Variants in AMN1 observed in about 807,000 individuals in gnomAD.
AMN1 encodes protein AMN1 homolog.
A neutral mutation model predicts 33.0 loss-of-function variants in AMN1; 20 were observed. That is an observed-to-expected ratio of 0.61 (90% CI 0.43 to 0.88). AMN1 has a LOEUF of 0.88. AMN1 is among the 40% of genes least tolerant of loss of function. The pLI, the probability that AMN1 is intolerant of heterozygous loss-of-function variation, is 0.00. For synonymous variants in AMN1, 114 were observed against 111.9 expected (o/e 1.02, Z -0.12); for missense variants, 246 against 307.4 (o/e 0.80, Z 1.49).
intron 6 of AMN1, among the ~76,000 whole-genome samples, chr12:31,678,588 G>A (rs763341532): frequency 7.2e-5 from 11 of 151,904 alleles, no homozygotes; most frequent in Non-Finnish European, 1.5e-4. Context: ...GTAGAGATGG[G>A]GTTTCACCAT....
In AMN1 at chr12:31,676,630, C is replaced by T. The variant is rs140784286; in HGVS notation, c.704-4253G>A. Among the ~76,000 whole-genome samples, 266 of 151,444 alleles carry T rather than the reference C, an allele frequency of 1.8e-3. 7 individuals are homozygous for T. Among genetic ancestry groups the T allele is most frequent in the African/African-American group, 6.4e-3 (261 of 41,080 alleles). ...AGCCACCGCGCCTGGCCAACACTTC[C>T]CAATTTCATTTTAGCTGGTGTGTCT... On this transcript the variant is annotated intron_variant, in intron 6 of 6. Coordinates refer to ENST00000281471, the MANE Select transcript of AMN1 (RefSeq NM_001113402.2).
rs145304625 is a variant in AMN1 at position 31,725,308 on chromosome 12, G to C, written c.38+3663C>G. ...TTGACATAAGTGGTGTTGATTCTCA[G>C]GCCCCACAGTTGGCACAGGCAGTCT... On this transcript the variant is annotated intron_variant, in intron 1 of 6. Transcript: ENST00000281471. Among the ~76,000 whole-genome samples the C allele has an allele frequency of 6.7e-3, 1,019 of 152,300 alleles. 13 individuals are homozygous for C. Among genetic ancestry groups the C allele is most frequent in the African/African-American group, 0.023 (955 of 41,562 alleles).
intron 6 of AMN1, among the ~76,000 whole-genome samples, chr12:31,685,492 A>AT (rs916819553): frequency 1.3e-5 from 2 of 151,830 alleles, no homozygotes; most frequent in East Asian, 1.9e-4. Flanking sequence ...TGACTTTCAC[A>AT]TTTTTTCCAC....
At chr12:31,695,782 C>T (rs1417571195) in intron 5 of AMN1, among the ~76,000 whole-genome samples, 1 of 151,716 alleles carries the variant, frequency 6.6e-6, no homozygotes, top group Non-Finnish European at 1.5e-5. Flanking sequence ...CCACCATGCC[C>T]AACCTAATAT....
At chr12:31,699,375 A>C (rs888261200) in intron 3 of AMN1, among the ~76,000 whole-genome samples, 1 of 125,512 alleles carries the variant, frequency 8.0e-6, no homozygotes, top group African/African-American at 2.8e-5. Context: ...AAGCCTGGGC[A>C]ATATGGTGAG....
rs1330811539 is a variant in AMN1 at position 31,698,008 on chromosome 12, T to A, written c.317-51A>T. On this transcript the variant is annotated intron_variant, in intron 3 of 6. Coordinates refer to ENST00000281471, the MANE Select transcript of AMN1 (RefSeq NM_001113402.2). ...AATGAGCTATATGTGTGTATATGTATACATGAGAAATGTGACTGATTTTCA... is the reference window on the plus strand; with the variant it reads ...AATGAGCTATATGTGTGTATATGTAAACATGAGAAATGTGACTGATTTTCA... 1.4e-5 allele frequency: 21 copies of A among 1,547,810 alleles called. No homozygotes were observed. The Admixed American group carries it at 3.4e-4, about 25-fold the overall frequency.
Position 31,676,390 on chromosome 12 carries a change from G to A in AMN1, c.704-4013C>T, listed in dbSNP as rs151184567. Among the ~76,000 whole-genome samples the A allele has an allele frequency of 6.1e-3, 921 of 151,410 alleles. 24 individuals carry two copies. In the East Asian group the frequency reaches 0.087, roughly 14 times the overall value. On this transcript the variant is annotated intron_variant, in intron 6 of 6. Transcript: ENST00000281471. ...TTTGGGAGGCCAAGGCAGGTGGATC[G>A]CTTGAGTTCAGGAGTTTGAGACTAG...
chr12:31,704,638 T>C (rs966319746), intron 2 of AMN1, among the ~76,000 whole-genome samples: 2 of 152,150 alleles, frequency 1.3e-5, no homozygotes, highest in Non-Finnish European at 2.9e-5. Flanking sequence ...ATTTATGAAA[T>C]ACTTCAAAAA....
At chr12:31,719,208 A>C (rs1023312086) in intron 1 of AMN1, 3 of 281,428 alleles carry the variant, frequency 1.1e-5, no homozygotes, top group African/African-American at 6.9e-5. Context: ...CAGTGAGATG[A>C]ACCAGGTACC....
At chr12:31,696,849 A>G (rs1393706478) in intron 5 of AMN1, among the ~76,000 whole-genome samples, 1 of 150,732 alleles carries the variant, frequency 6.6e-6, no homozygotes, top group Non-Finnish European at 1.5e-5. Context: ...TGAACCTGGG[A>G]GGTGGAGGTT....
chr12:31,695,019 A>C (rs1816245552), intron 5 of AMN1, among the ~76,000 whole-genome samples: 1 of 152,192 alleles, frequency 6.6e-6, no homozygotes, highest in South Asian at 2.1e-4. Context: ...AGTTCTAATA[A>C]ATTTTAGAGA....
intron 6 of AMN1, among the ~76,000 whole-genome samples, chr12:31,686,085 T>C (rs574516496): frequency 6.6e-6 from 1 of 152,302 alleles, no homozygotes; most frequent in African/African-American, 2.4e-5. Flanking sequence ...AATGACATAA[T>C]TTATCTCAAA....
intron 2 of AMN1, among the ~76,000 whole-genome samples, chr12:31,704,506 T>C (rs894930750): frequency 2.0e-5 from 3 of 151,990 alleles, no homozygotes; most frequent in Admixed American, 6.6e-5. Flanking sequence ...CTTTTTTTTT[T>C]TTCTTCTTGC....
intron 1 of AMN1, among the ~76,000 whole-genome samples, chr12:31,718,264 A>C (rs2139725093): frequency 6.6e-6 from 1 of 151,990 alleles, no homozygotes; most frequent in South Asian, 2.1e-4. Context: ...CAGCTCCATC[A>C]GGTCATTTAT....
chr12:31,699,617 C>T (rs1363501883), intron 3 of AMN1, among the ~76,000 whole-genome samples: 1 of 152,046 alleles, frequency 6.6e-6, no homozygotes, highest in Non-Finnish European at 1.5e-5. Context: ...CATCTGTATC[C>T]TTTATAATCT....
At chr12:31,693,506 C>G (rs1283923641) in intron 5 of AMN1, among the ~76,000 whole-genome samples, 3 of 149,636 alleles carry the variant, frequency 2.0e-5, no homozygotes, top group African/African-American at 7.4e-5. Flanking sequence ...GGATTACAGG[C>G]GTAAGCCACC....
intron 6 of AMN1, chr12:31,672,690 A>G (rs1951307272): frequency 4.7e-6 from 1 of 212,356 alleles, no homozygotes; most frequent in Admixed American, 5.5e-5. Flanking sequence ...AACCTGTGTT[A>G]ATGGTTAATA....
intron 6 of AMN1, among the ~76,000 whole-genome samples, chr12:31,676,294 G>A (rs1937692070): frequency 6.6e-6 from 1 of 151,390 alleles, no homozygotes; most frequent in South Asian, 2.1e-4. Flanking sequence ...AATACAAGCT[G>A]GCTTTTTATT....
intron 5 of AMN1, among the ~76,000 whole-genome samples, chr12:31,696,826 C>T (rs906423102): frequency 1.3e-5 from 2 of 151,268 alleles, no homozygotes; most frequent in African/African-American, 4.9e-5. Context: ...GAGGCTGAGG[C>T]ACGAGAAGTG....
Sources: allele counts gnomAD v4.1 joint callset (sites outside exome capture counted in the v4.1 genomes callset), GRCh38; gene constraint gnomAD v4.1.1; transcripts MANE v1.5; gene names NCBI Gene and HGNC (gene_info 2026-07-23, HGNC 2026-07-21).